Variants in SENP7 observed in about 807,000 individuals in gnomAD.
The protein encoded by SENP7 is sentrin-specific protease 7.
Under a neutral mutation model 141.2 loss-of-function variants are expected in SENP7, and 64 were observed. The observed-to-expected ratio is 0.45, with a 90% CI of 0.37 to 0.56. The LOEUF (loss-of-function observed/expected upper bound fraction) is 0.56. Among genes scored for constraint, SENP7 ranks in the 20% least tolerant of loss-of-function variants. SENP7 has a pLI of 0.00. For synonymous variants in SENP7, 382 were observed against 426.4 expected (o/e 0.90, Z 1.28); for missense variants, 1,025 against 1,212.2 (o/e 0.85, Z 2.29).
At chr3:101,374,106 C>T (rs943235042) in intron 6 of SENP7, among the ~76,000 whole-genome samples, 3 of 152,076 alleles carry the variant, frequency 2.0e-5, no homozygotes, top group Non-Finnish European at 2.9e-5. Flanking sequence ...TAAAGAGAGA[C>T]ATATCGACCA....
rs374464731 is a variant in SENP7 at position 101,513,211 on chromosome 3, AG to A, written c.-82del. 8,334 of 224,390 alleles carry A rather than the reference AG, an allele frequency of 0.037. 1,569 individuals carry two copies. The highest frequency in any genetic ancestry group is 0.076 in the East Asian group (692 of 9,116). 13.9% of individuals were successfully genotyped at this position (224,390 alleles called of 1,614,324 possible). ...GCTTGGAGAGGGAGGGGGAGGGGAA[AG>A]GAAAAAAAAAAAAAAAAAAAAAAAA... On this transcript the variant is annotated 5_prime_UTR_variant, in exon 1 of 24. Transcript: ENST00000394095.
chr3:101,457,872 A>G (rs192213934), intron 4 of SENP7: 593 of 486,500 alleles, frequency 1.2e-3, no homozygotes, highest in Non-Finnish European at 2.0e-3. Flanking sequence ...TGAAGCATGC[A>G]AAGTCTTCAG....
chr3:101,451,388 C>G (rs180706150), intron 4 of SENP7, among the ~76,000 whole-genome samples: 4 of 152,128 alleles, frequency 2.6e-5, no homozygotes, highest in Non-Finnish European at 4.4e-5. Flanking sequence ...CATCCTGATA[C>G]CAAAGCCTGG....
intron 4 of SENP7, among the ~76,000 whole-genome samples, chr3:101,430,562 T>G (rs1285789234): frequency 6.6e-6 from 1 of 152,240 alleles, no homozygotes; most frequent in East Asian, 1.9e-4. Context: ...ATTGCATTTA[T>G]TTGATTCTTT....
chr3:101,366,523 C>G lies in SENP7; in HGVS notation c.1225G>C (p.Val409Leu), dbSNP rs754417205. The change falls in exon 9 of 24, where the codon GTT (valine) becomes CTT (leucine). Residue 409 changes from valine (V) to leucine (L), a missense_variant. Physicochemically the swap from Val to Leu is conservative, Grantham distance 32. This residue lies in a region of SENP7 where 496 missense variants were observed against 503.5 expected (regional missense o/e 0.99). Coordinates refer to ENST00000394095, the MANE Select transcript of SENP7 (RefSeq NM_020654.5). ...TTCAACTCATTCTCATCCTTCTCAA[C>G]CAGGGAAGAAATCCCCACAATATCA... ...SIDIVGISSL[V>L]EKDENELNTI... 6.2e-7 allele frequency: 1 copy of G among 1,613,702 alleles called. No individual in the cohort carries two copies. Among genetic ancestry groups the G allele is most frequent in the African/African-American group, 1.3e-5 (1 of 74,896 alleles).
At chr3:101,511,914 G>C (rs1374423147) in intron 1 of SENP7, among the ~76,000 whole-genome samples, 3 of 152,152 alleles carry the variant, frequency 2.0e-5, no homozygotes, top group Non-Finnish European at 4.4e-5. Flanking sequence ...CCGCCTCCCG[G>C]GTTCACGCCA....
chr3:101,476,926 G>A (rs532105272), intron 3 of SENP7, among the ~76,000 whole-genome samples: 40 of 152,182 alleles, frequency 2.6e-4, no homozygotes, highest in Middle Eastern at 3.4e-3. Flanking sequence ...CATATCCTTC[G>A]CCCACTTTTT....
rs78907904 is a variant in SENP7, at chr3:101,338,600, G to A, written c.2358-969C>T. Among the ~76,000 whole-genome samples the A allele has an allele frequency of 4.2e-4, 64 of 152,270 alleles. No individual in the cohort carries two copies. The East Asian group carries it at 0.011, about 26-fold the overall frequency. On this transcript the variant is annotated intron_variant, in intron 16 of 23. Coordinates refer to ENST00000394095, the MANE Select transcript of SENP7 (RefSeq NM_020654.5). ...ATACTGGAAAGGAAAGAGCTATACA[G>A]AGAACTCCAGACAGCTGCAAAGTCC...
intron 23 of SENP7, among the ~76,000 whole-genome samples, chr3:101,326,424 A>C (rs1336162640): frequency 6.6e-6 from 1 of 152,086 alleles, no homozygotes; most frequent in Admixed American, 6.6e-5. Context: ...TTCCTCTCTC[A>C]TATTAAAGAC....
At chr3:101,483,404 G>A (rs868414920) in intron 3 of SENP7, among the ~76,000 whole-genome samples, 6 of 152,166 alleles carry the variant, frequency 3.9e-5, no homozygotes, top group African/African-American at 1.4e-4. Flanking sequence ...TCCAGTGTGG[G>A]AGCTAAACAT....
intron 5 of SENP7, among the ~76,000 whole-genome samples, chr3:101,407,812 T>A (rs1197277750): frequency 6.6e-6 from 1 of 152,172 alleles, no homozygotes; most frequent in Non-Finnish European, 1.5e-5. Flanking sequence ...GTTCATAGCC[T>A]TAAATGCCTA....
intron 3 of SENP7, among the ~76,000 whole-genome samples, chr3:101,480,581 C>T (rs1034975712): frequency 6.6e-6 from 1 of 151,950 alleles, no homozygotes; most frequent in Admixed American, 6.6e-5. Context: ...AAAGGAAACA[C>T]CTCAGGACAT....
intron 15 of SENP7, 125 bp from the exon 16 acceptor site, chr3:101,340,336 T>A (rs2059297240): frequency 8.7e-7 from 1 of 1,154,888 alleles, no homozygotes; most frequent in Non-Finnish European, 1.2e-6. Flanking sequence ...GTAAAAAACA[T>A]TTGACCAGGC....
chr3:101,326,499 A>G (rs2058903300), intron 23 of SENP7, among the ~76,000 whole-genome samples: 1 of 152,148 alleles, frequency 6.6e-6, no homozygotes, highest in Non-Finnish European at 1.5e-5. Context: ...GCATTCTCCA[A>G]GCCGACTTCT....
chr3:101,376,654 G>T (rs570522814), intron 6 of SENP7, among the ~76,000 whole-genome samples: 1 of 151,996 alleles, frequency 6.6e-6, no homozygotes, highest in Non-Finnish European at 1.5e-5. Context: ...GGAGCGGGGA[G>T]GGATAGCATT....
At chr3:101,416,053 CAGAT>C (rs1356629094) in intron 5 of SENP7, among the ~76,000 whole-genome samples, 11 of 152,064 alleles carry the variant, frequency 7.2e-5, no homozygotes, top group East Asian at 1.9e-4. Flanking sequence ...GTCAATCACT[CAGAT>C]AGAGGGGAAT....
At chr3:101,482,177 G>A (rs536153945) in intron 3 of SENP7, among the ~76,000 whole-genome samples, 79 of 152,100 alleles carry the variant, frequency 5.2e-4, no homozygotes, top group Non-Finnish European at 1.0e-3. Context: ...GCCAGGTGTG[G>A]TGGCGGGCAC....
chr3:101,347,773 T>A (rs1484027691), intron 13 of SENP7, 99 bp downstream of exon 13: 1 of 586,924 alleles, frequency 1.7e-6, no homozygotes, highest in Admixed American at 3.7e-5. Flanking sequence ...AAAATTAATT[T>A]CAATTCACTG....
intron 3 of SENP7, among the ~76,000 whole-genome samples, chr3:101,478,708 C>T (rs146509884): frequency 9.9e-4 from 151 of 152,160 alleles, no homozygotes; most frequent in African/African-American, 3.5e-3. Flanking sequence ...TCATTCCTAC[C>T]CTTATACCAA....
Sources: gnomAD v4.1 joint callset for allele counts (sites outside exome capture counted in the v4.1 genomes callset) on GRCh38, gnomAD v4.1.1 for gene constraint, gnomAD v4.1.1 regional missense constraint, MANE v1.5 for transcripts, NCBI Gene and HGNC (gene_info 2026-07-23, HGNC 2026-07-21) for gene names.